The following SUGCT variants were observed in gnomAD, a reference collection of about 807,000 sequenced individuals.
SUGCT encodes the protein succinyl-CoA:glutarate-CoA transferase.
SUGCT carries 41 observed loss-of-function variants against 55.0 expected under a neutral mutation model. The observed-to-expected ratio is 0.74, with a 90% CI of 0.58 to 0.97. The LOEUF is 0.97. Among genes scored for constraint, SUGCT ranks in the 50% least tolerant of loss-of-function variants. The pLI is 0.00. For synonymous variants in SUGCT, 187 were observed against 200.4 expected (o/e 0.93, Z 0.56); for missense variants, 568 against 547.8 (o/e 1.04, Z -0.37).
At chr7:40,403,022 TTG>T in intron 9 of SUGCT, among the ~76,000 whole-genome samples, 1 of 152,216 alleles carries the variant, frequency 6.6e-6, no homozygotes, top group African/African-American at 2.4e-5. Flanking sequence ...CACAGGGGCA[TTG>T]TCTGGTCTCA....
chr7:40,357,764 TTTTTC>T (rs1226132676), intron 9 of SUGCT, among the ~76,000 whole-genome samples: 1 of 152,112 alleles, frequency 6.6e-6, no homozygotes, highest in East Asian at 1.9e-4. Context: ...TTTAAAATCT[TTTTTC>T]TTTTTTTTAA....
intron 12 of SUGCT, among the ~76,000 whole-genome samples, chr7:40,505,804 T>G (rs1482480995): frequency 6.6e-6 from 1 of 152,098 alleles, no homozygotes; most frequent in East Asian, 1.9e-4. Flanking sequence ...TTGATAATAT[T>G]TGTTATAGTA....
intron 11 of SUGCT, among the ~76,000 whole-genome samples, chr7:40,483,274 C>T (rs996540327): frequency 6.6e-6 from 1 of 152,062 alleles, no homozygotes; most frequent in Non-Finnish European, 1.5e-5. Flanking sequence ...ATAGGTAATG[C>T]ATGTATGGAA....
intron 8 of SUGCT, among the ~76,000 whole-genome samples, chr7:40,288,639 G>A (rs1204268599): frequency 2.0e-5 from 3 of 150,818 alleles, no homozygotes; most frequent in Middle Eastern, 3.4e-3. Context: ...GCTTATTACC[G>A]ACACCTATAA....
chr7:40,487,174 G>A (rs752289643), intron 11 of SUGCT, among the ~76,000 whole-genome samples: 12 of 125,480 alleles, frequency 9.6e-5, no homozygotes, highest in Non-Finnish European at 1.3e-4. Flanking sequence ...AATCTCCACC[G>A]CCCAGGTTCA....
intron 13 of SUGCT, among the ~76,000 whole-genome samples, chr7:40,758,315 A>G (rs1788360843): frequency 6.6e-6 from 1 of 152,102 alleles, no homozygotes. Flanking sequence ...TAAGATGTCA[A>G]GAAGTATTCT....
At chr7:40,490,636 G>A (rs1033528671) in intron 11 of SUGCT, among the ~76,000 whole-genome samples, 8 of 152,050 alleles carry the variant, frequency 5.3e-5, no homozygotes, top group African/African-American at 1.9e-4. Context: ...GTTACTAGTT[G>A]GATTTCTTTG....
At position 40,442,490 on chromosome 7, in the gene SUGCT, C is replaced by T. The variant is rs190979066; in HGVS notation, c.817-6797C>T. 1.1e-4 allele frequency among the ~76,000 whole-genome samples: 16 copies of T among 151,098 alleles called. No individual in the cohort carries two copies. The East Asian group carries it at 1.2e-3, about 11-fold the overall frequency. ...GATGATATCATGCAGTTTTTTTTTC[C>T]GTCTTATATTTTTCTGTACTTCCCC... On this transcript the variant is annotated intron_variant, in intron 9 of 13. Transcript: ENST00000335693.
In SUGCT at chr7:40,237,729, A is replaced by G; in HGVS notation, c.576+3A>G. The G allele has an allele frequency of 1.2e-6, 2 of 1,611,416 alleles. No homozygotes were observed. Among genetic ancestry groups the G allele is most frequent in the Non-Finnish European group, 1.7e-6 (2 of 1,177,618 alleles). On this transcript the variant is annotated splice_donor_region_variant and intron_variant, in intron 7 of 13. Transcript: ENST00000335693. ...TGATGCACATCACAGGGCCTGAGGT[A>G]GGTATCCTTCCTTAGAATATTCATA...
intron 13 of SUGCT, among the ~76,000 whole-genome samples, chr7:40,797,537 C>T (rs894696099): frequency 1.3e-5 from 2 of 152,172 alleles, no homozygotes; most frequent in Non-Finnish European, 2.9e-5. Context: ...GTCAACAGAA[C>T]TCTCAGTTCC....
intron 1 of SUGCT, among the ~76,000 whole-genome samples, chr7:40,177,496 C>T (rs1416589134): frequency 3.3e-5 from 5 of 152,004 alleles, no homozygotes; most frequent in African/African-American, 4.8e-5. Context: ...TGTTAAATTA[C>T]GTTTGTTTAA....
chr7:40,597,950 C>T lies in SUGCT; in HGVS notation c.1089+101564C>T, dbSNP rs533020294. Among the ~76,000 whole-genome samples the T allele has an allele frequency of 2.6e-5, 4 of 151,692 alleles. No homozygotes were observed. The South Asian group carries it at 8.3e-4, about 32-fold the overall frequency. On this transcript the variant is annotated intron_variant, in intron 12 of 13. Coordinates refer to ENST00000335693, the MANE Select transcript of SUGCT (RefSeq NM_001193313.2). ...TATCATCTGCCTCCTCTATTAGTTT[C>T]TCCGAAAAAAAAAATCCAGTGTATT...
In SUGCT at chr7:40,316,756, G is replaced by A. The variant is rs1795453606; in HGVS notation, c.721-4G>A. On this transcript the variant is annotated splice_region_variant and splice_polypyrimidine_tract_variant and intron_variant, in intron 8 of 13. Transcript: ENST00000335693. Reference sequence around the variant, plus strand: ...TTTTATTTATTTACTTTTTTTCCTGGTAGGTGGCGTGTTTGTCTCACATAG... The same window carrying A: ...TTTTATTTATTTACTTTTTTTCCTGATAGGTGGCGTGTTTGTCTCACATAG... 1.3e-6 allele frequency: 2 copies of A among 1,579,652 alleles called. No homozygotes were observed. The highest frequency in any genetic ancestry group is 1.3e-5 in the African/African-American group (1 of 74,160).
chr7:40,947,500 CT>C, the SUGCT span, among the ~76,000 whole-genome samples: 2,083 of 145,846 alleles, frequency 0.014, 47 homozygotes, highest in African/African-American at 0.046. Context: ...TACTTTCTCT[CT>C]TTTTTTTTTT....
intron 13 of SUGCT, among the ~76,000 whole-genome samples, chr7:40,788,190 G>T (rs559068080): frequency 5.8e-4 from 89 of 152,246 alleles, no homozygotes; most frequent in Non-Finnish European, 9.7e-4. Context: ...ACCAAATGGG[G>T]GCCTGGGCTT....
rs1049605955 is a variant in SUGCT, at chr7:40,651,443, T to C, written c.1090-97991T>C. Among the ~76,000 whole-genome samples the C allele has an allele frequency of 3.3e-5, 5 of 152,176 alleles. No individual in the cohort carries two copies. In the East Asian group the frequency reaches 9.6e-4, roughly 29 times the overall value. On this transcript the variant is annotated intron_variant, in intron 12 of 13. Coordinates refer to ENST00000335693, the MANE Select transcript of SUGCT (RefSeq NM_001193313.2). ...GCCCACTTTTTAATGGTTTTTTTTT[T>C]CTTGTGAATTTGTTTAAATTCCTTG...
chr7:40,752,887 T>G (rs189634452), intron 13 of SUGCT, among the ~76,000 whole-genome samples: 147 of 152,354 alleles, frequency 9.6e-4, no homozygotes, highest in African/African-American at 3.4e-3. Context: ...TTTATAGGGC[T>G]TAGTCATCTT....
intron 12 of SUGCT, among the ~76,000 whole-genome samples, chr7:40,512,584 G>T (rs997737404): frequency 6.6e-6 from 1 of 151,954 alleles, no homozygotes; most frequent in Non-Finnish European, 1.5e-5. Flanking sequence ...TTATTTTAAT[G>T]ATTTATATTT....
intron 12 of SUGCT, among the ~76,000 whole-genome samples, chr7:40,664,852 T>C (rs1801524076): frequency 6.6e-6 from 1 of 151,384 alleles, no homozygotes; most frequent in Admixed American, 6.6e-5. Flanking sequence ...TGATGGGAAG[T>C]GCCTGTAGTC....
Sources: gnomAD v4.1 joint callset for allele counts (sites outside exome capture counted in the v4.1 genomes callset) on GRCh38, gnomAD v4.1.1 for gene constraint, MANE v1.5 for transcripts, NCBI Gene and HGNC (gene_info 2026-07-23, HGNC 2026-07-21) for gene names.